NELL1: variants seen among roughly 807,000 people sequenced by gnomAD.
The protein encoded by NELL1 is neural EGFL like 1.
A neutral mutation model predicts 107.4 loss-of-function variants in NELL1; 76 were observed. The ratio of observed to expected loss-of-function variants is 0.71; its 90% CI spans 0.59 to 0.86. NELL1 has a LOEUF of 0.86. Among genes scored for constraint, NELL1 ranks in the 40% least tolerant of loss-of-function variants. The pLI is 0.00. For missense variants in NELL1, 1,024 were observed against 1,005.5 expected, an observed-to-expected ratio of 1.02 and a Z score of -0.25; for synonymous variants, 353 against 341.2, an observed-to-expected ratio of 1.03 and a Z score of -0.38.
chr11:21,493,611 A>G (rs11026110), intron 15 of NELL1, among the ~76,000 whole-genome samples: 126,139 of 151,942 alleles, frequency 0.83, 52,706 homozygotes, highest in East Asian at 0.98. Flanking sequence ...GTGGGATGGG[A>G]AGCAGATTAA....
At chr11:21,176,193 A>AAGCACTTAG (rs1235028194) in intron 13 of NELL1, among the ~76,000 whole-genome samples, 1 of 151,892 alleles carries the variant, frequency 6.6e-6, no homozygotes, top group African/African-American at 2.4e-5. Flanking sequence ...TCCTAAGTGG[A>AAGCACTTAG]GATGTCATGA....
intron 12 of NELL1, among the ~76,000 whole-genome samples, chr11:21,100,257 A>G (rs1215015634): frequency 3.3e-5 from 5 of 152,222 alleles, no homozygotes; most frequent in Non-Finnish European, 5.9e-5. Flanking sequence ...AGCTCAGGCA[A>G]TCCTCCCGCC....
In NELL1 at chr11:21,332,428, C is replaced by A. The variant is rs1281459610; in HGVS notation, c.1550-38425C>A. On this transcript the variant is annotated intron_variant, in intron 14 of 19. Transcript: ENST00000357134. ...CCTATGCCATTTTTCTAGAATATAC[C>A]TGCAGACACAAAGTTGAGGCAATCT... Among the ~76,000 whole-genome samples the A allele has an allele frequency of 2.6e-5, 4 of 151,922 alleles. No individual in the cohort carries two copies. The East Asian group carries it at 5.8e-4, about 22-fold the overall frequency.
At chr11:20,783,884 A>G in intron 3 of NELL1, 54 bp downstream of exon 3, 1 of 1,508,160 alleles carries the variant, frequency 6.6e-7, no homozygotes, top group Non-Finnish European at 8.9e-7. Context: ...TGGGTTATAC[A>G]AAATGTCTTG....
intron 13 of NELL1, among the ~76,000 whole-genome samples, chr11:21,214,670 T>C (rs1857574939): frequency 6.6e-6 from 1 of 152,104 alleles, no homozygotes; most frequent in African/African-American, 2.4e-5. Flanking sequence ...CAGATGACCC[T>C]GCAATCACAC....
chr11:21,225,717 T>A lies in NELL1; in HGVS notation c.1427-3615T>A, dbSNP rs142088030. On this transcript the variant is annotated intron_variant, in intron 13 of 19. Transcript: ENST00000357134. The stretch of plus-strand genomic sequence containing the variant: ...ATGATTAAGTCTGCCCACAAGTAAT[T>A]GTCGCAGCAATATTAGTAGAATTAG... 4.0e-4 allele frequency among the ~76,000 whole-genome samples: 61 copies of A among 152,250 alleles called. 1 individual carries two copies. The East Asian group carries it at 0.011, about 26-fold the overall frequency.
intron 13 of NELL1, among the ~76,000 whole-genome samples, chr11:21,130,891 C>T (rs971398970): frequency 6.8e-6 from 1 of 147,730 alleles, no homozygotes; most frequent in Admixed American, 6.8e-5. Context: ...CATCTTGTCA[C>T]GGTCCCTAAT....
At chr11:20,900,602 C>A (rs1849851226) in intron 5 of NELL1, among the ~76,000 whole-genome samples, 1 of 152,078 alleles carries the variant, frequency 6.6e-6, no homozygotes, top group African/African-American at 2.4e-5. Context: ...GAGAATACCA[C>A]TCATCTAATT....
At chr11:21,509,269 T>A (rs915957493) in intron 15 of NELL1, among the ~76,000 whole-genome samples, 3 of 152,164 alleles carry the variant, frequency 2.0e-5, no homozygotes, top group Non-Finnish European at 2.9e-5. Flanking sequence ...TACTTTTTCG[T>A]TGGGGCATAA....
chr11:20,975,920 C>CACATATATGTACATATATGTGT (rs750031154), intron 12 of NELL1, among the ~76,000 whole-genome samples: 10,844 of 108,244 alleles, frequency 0.1, 783 homozygotes, highest in East Asian at 0.33. Context: ...TATATAAACA[C>CACATATATGTACATATATGTGT]ACATATATGT....
intron 15 of NELL1, among the ~76,000 whole-genome samples, chr11:21,401,264 A>G (rs977154691): frequency 2.6e-5 from 4 of 151,880 alleles, no homozygotes; most frequent in African/African-American, 9.7e-5. Flanking sequence ...AGAAAAATAT[A>G]TATCTTGGTG....
chr11:21,429,825 T>C (rs915942335), intron 15 of NELL1, among the ~76,000 whole-genome samples: 3 of 151,796 alleles, frequency 2.0e-5, no homozygotes, highest in African/African-American at 7.3e-5. Context: ...TCAGAGAGCA[T>C]TTTTTTGCCA....
chr11:21,235,615 C>T (rs566534863), intron 14 of NELL1, among the ~76,000 whole-genome samples: 236 of 152,082 alleles, frequency 1.6e-3, no homozygotes, highest in Non-Finnish European at 2.6e-3. Flanking sequence ...ATTTGACTTT[C>T]GAATTTCTTT....
At chr11:21,214,046 T>C (rs1857561250) in intron 13 of NELL1, among the ~76,000 whole-genome samples, 2 of 152,172 alleles carry the variant, frequency 1.3e-5, no homozygotes, top group Non-Finnish European at 2.9e-5. Flanking sequence ...CTGCAGGCTG[T>C]GAGAAAATAT....
chr11:21,433,675 T>G (rs1853028093), intron 15 of NELL1, among the ~76,000 whole-genome samples: 1 of 152,164 alleles, frequency 6.6e-6, no homozygotes, highest in Non-Finnish European at 1.5e-5. Flanking sequence ...TTTGTTTTTA[T>G]TTTTTGTTGT....
Position 20,823,603 on chromosome 11 carries a change from C to T in NELL1, c.336-23980C>T, listed in dbSNP as rs572724892. The stretch of plus-strand genomic sequence containing the variant: ...TTGGAGAGCTTTTAAATATAAAATT[C>T]GGAAATTGTTATAAAATCTCCTGAA... On this transcript the variant is annotated intron_variant, in intron 3 of 19. Coordinates refer to ENST00000357134, the MANE Select transcript of NELL1 (RefSeq NM_006157.5). Among the ~76,000 whole-genome samples the T allele has an allele frequency of 6.6e-5, 10 of 151,374 alleles. No homozygotes were observed. In the South Asian group the frequency reaches 1.5e-3, roughly 22 times the overall value.
At chr11:20,930,459 CT>C (rs910677667) in intron 9 of NELL1, among the ~76,000 whole-genome samples, 2 of 152,008 alleles carry the variant, frequency 1.3e-5, no homozygotes, top group East Asian at 1.9e-4. Context: ...TGTTGCATAA[CT>C]TTTTTTTAAC....
intron 16 of NELL1, among the ~76,000 whole-genome samples, chr11:21,556,671 A>G (rs1325533396): frequency 1.3e-5 from 2 of 152,016 alleles, no homozygotes; most frequent in Non-Finnish European, 2.9e-5. Flanking sequence ...AAAACTGAGT[A>G]CAATAATAAC....
intron 12 of NELL1, among the ~76,000 whole-genome samples, chr11:21,025,000 A>T (rs1444146080): frequency 6.6e-6 from 1 of 151,992 alleles, no homozygotes; most frequent in Non-Finnish European, 1.5e-5. Context: ...GCCATGTCCC[A>T]CTCCCTAAAG....
Sources: gnomAD v4.1 joint callset for allele counts (sites outside exome capture counted in the v4.1 genomes callset) on GRCh38, gnomAD v4.1.1 for gene constraint, MANE v1.5 for transcripts, NCBI Gene and HGNC (gene_info 2026-07-23, HGNC 2026-07-21) for gene names.